Variants in RALGAPA2 observed in about 807,000 individuals in gnomAD.
The protein encoded by RALGAPA2 is Ral GTPase activating protein catalytic subunit alpha 2, also known as ral GTPase-activating protein subunit alpha-2.
RALGAPA2 carries 139 observed loss-of-function variants against 230.4 expected under a neutral mutation model. The observed-to-expected ratio is 0.60, with a 90% confidence interval of 0.53 to 0.69. The LOEUF (loss-of-function observed/expected upper bound fraction) is 0.69. RALGAPA2 is among the 30% of genes least tolerant of loss of function. RALGAPA2 has a pLI of 0.00. For synonymous variants in RALGAPA2, 847 were observed against 837.8 expected, an observed-to-expected ratio of 1.01 and a Z score of -0.19; for missense variants, 2,163 against 2,276.0, an observed-to-expected ratio of 0.95 and a Z score of 1.01.
intron 37 of RALGAPA2, among the ~76,000 whole-genome samples, chr20:20,444,544 T>C (rs968903846): frequency 2.0e-5 from 3 of 152,060 alleles, no homozygotes; most frequent in Non-Finnish European, 4.4e-5. Context: ...AGCACCCCAA[T>C]AAAAAATCAC....
intron 4 of RALGAPA2, among the ~76,000 whole-genome samples, chr20:20,652,607 C>T (rs1007904566): frequency 2.6e-5 from 4 of 152,136 alleles, no homozygotes; most frequent in Non-Finnish European, 5.9e-5. Flanking sequence ...TCACACTCTC[C>T]ACAAATACAA....
chr20:20,408,286 T>C (rs796158575), intron 38 of RALGAPA2, among the ~76,000 whole-genome samples: 77 of 152,340 alleles, frequency 5.1e-4, no homozygotes, highest in African/African-American at 1.8e-3. Flanking sequence ...AAATGAGACA[T>C]ACCTGTAGCC....
At chr20:20,481,218 A>G (rs2061766310) in intron 36 of RALGAPA2, among the ~76,000 whole-genome samples, 1 of 152,236 alleles carries the variant, frequency 6.6e-6, no homozygotes, top group Non-Finnish European at 1.5e-5. Flanking sequence ...CAGTTGTTGG[A>G]GCAAAGACAA....
chr20:20,637,603 G>A, intron 7 of RALGAPA2, 102 bp from the exon 8 acceptor site: 1 of 1,034,866 alleles, frequency 9.7e-7, no homozygotes. Flanking sequence ...TAACCTAAAT[G>A]TAAAAAATGA....
chr20:20,492,615 C>T (rs926449230), intron 36 of RALGAPA2, among the ~76,000 whole-genome samples: 1 of 152,142 alleles, frequency 6.6e-6, no homozygotes, highest in Non-Finnish European at 1.5e-5. Flanking sequence ...TCTAACGAGG[C>T]GTCTGTGTCC....
At chr20:20,653,759 C>A (rs2067491240) in intron 3 of RALGAPA2, among the ~76,000 whole-genome samples, 172 bp from the exon 4 acceptor site, 2 of 152,092 alleles carry the variant, frequency 1.3e-5, no homozygotes, top group Admixed American at 1.3e-4. Flanking sequence ...CTTTCACTTG[C>A]CCCAGGCAAG....
intron 2 of RALGAPA2, among the ~76,000 whole-genome samples, chr20:20,680,033 C>T (rs1007152667): frequency 6.6e-6 from 1 of 152,166 alleles, no homozygotes; most frequent in Admixed American, 6.5e-5. Context: ...TCCTAAAATG[C>T]TAGGATACCT....
intron 36 of RALGAPA2, among the ~76,000 whole-genome samples, chr20:20,474,697 T>C (rs1009955510): frequency 1.3e-5 from 2 of 152,204 alleles, no homozygotes; most frequent in Non-Finnish European, 2.9e-5. Context: ...ATTGGAAGGC[T>C]GGAGCTACGT....
intron 31 of RALGAPA2, among the ~76,000 whole-genome samples, chr20:20,518,953 G>A (rs955780174): frequency 1.3e-5 from 2 of 152,044 alleles, no homozygotes; most frequent in African/African-American, 4.8e-5. Context: ...TCATTGTGGG[G>A]GAAAAAGTAA....
intron 37 of RALGAPA2, among the ~76,000 whole-genome samples, chr20:20,453,084 A>C (rs2061026822): frequency 6.6e-6 from 1 of 152,236 alleles, no homozygotes; most frequent in Non-Finnish European, 1.5e-5. Flanking sequence ...AGATTGTGTT[A>C]AGACATTGCA....
intron 36 of RALGAPA2, among the ~76,000 whole-genome samples, chr20:20,494,504 C>A (rs1448217891): frequency 1.3e-5 from 2 of 152,234 alleles, no homozygotes; most frequent in Non-Finnish European, 2.9e-5. Flanking sequence ...TAGTACACAG[C>A]ACACAGATCA....
Position 20,396,741 on chromosome 20 carries a change from G to A in RALGAPA2, c.5618-7C>T, listed in dbSNP as rs998635575. 6.2e-7 allele frequency: 1 copy of A among 1,600,954 alleles called. No individual in the cohort carries two copies. The highest frequency in any genetic ancestry group is 1.3e-5 in the African/African-American group (1 of 74,166). ...GACCTTTACGTGTTTTAATCTGAAG[G>A]GAAAGAACACAAAATGGAATGAATA... On this transcript the variant is annotated splice_polypyrimidine_tract_variant and splice_region_variant and intron_variant, in intron 38 of 39. Coordinates refer to ENST00000202677, the MANE Select transcript of RALGAPA2 (RefSeq NM_020343.4).
rs150925921 is a variant in RALGAPA2 at position 20,569,195 on chromosome 20, TCTTAA to T, written c.3156+2258_3156+2262del. 3.4e-3 allele frequency among the ~76,000 whole-genome samples: 519 copies of T among 152,316 alleles called. 3 individuals carry two copies. The highest frequency in any genetic ancestry group is 0.012 in the African/African-American group (497 of 41,572). On this transcript the variant is annotated intron_variant, in intron 23 of 39. Coordinates refer to ENST00000202677, the MANE Select transcript of RALGAPA2 (RefSeq NM_020343.4). ...AGTTAAACTAATTACCAGAGACATT[TCTTAA>T]CTTAAATGAAAAAAAGTTTCTTTCA...
At chr20:20,622,327 T>G (rs965623165) in intron 10 of RALGAPA2, among the ~76,000 whole-genome samples, 2 of 151,538 alleles carry the variant, frequency 1.3e-5, no homozygotes, top group African/African-American at 4.9e-5. Context: ...TGGCTGAGAA[T>G]TTAGCCAAAA....
intron 37 of RALGAPA2, among the ~76,000 whole-genome samples, chr20:20,449,596 CCT>C (rs888947813): frequency 3.3e-5 from 5 of 152,054 alleles, no homozygotes; most frequent in East Asian, 1.9e-4. Context: ...CATACTTTCC[CCT>C]GTCACTAATT....
chr20:20,588,187 A>T (rs1602958313), intron 18 of RALGAPA2, among the ~76,000 whole-genome samples: 2 of 152,342 alleles, frequency 1.3e-5, no homozygotes, highest in Admixed American at 1.3e-4. Context: ...ACATGGCTAC[A>T]GTTTTCACAA....
At chr20:20,532,809 G>A (rs921429333) in intron 26 of RALGAPA2, among the ~76,000 whole-genome samples, 2 of 152,164 alleles carry the variant, frequency 1.3e-5, no homozygotes, top group African/African-American at 4.8e-5. Flanking sequence ...GGTAGAGGAG[G>A]AGAGGTCAGC....
At chr20:20,696,712 G>A (rs547950079) in intron 1 of RALGAPA2, among the ~76,000 whole-genome samples, 1 of 150,894 alleles carries the variant, frequency 6.6e-6, no homozygotes, top group Non-Finnish European at 1.5e-5. Flanking sequence ...TGTTCCTTCT[G>A]CTTAGAACAC....
At chr20:20,698,991 T>C (rs973280669) in intron 1 of RALGAPA2, among the ~76,000 whole-genome samples, 13 of 152,230 alleles carry the variant, frequency 8.5e-5, no homozygotes, top group African/African-American at 3.1e-4. Flanking sequence ...TATATTTTAA[T>C]CTCTAAGTTT....
Sources: allele counts gnomAD v4.1 joint callset (sites outside exome capture counted in the v4.1 genomes callset), GRCh38; gene constraint gnomAD v4.1.1; transcripts MANE v1.5; gene names NCBI Gene and HGNC (gene_info 2026-07-23, HGNC 2026-07-21).